MYO16: variants seen among roughly 807,000 people sequenced by gnomAD.
MYO16 encodes the protein unconventional myosin-XVI.
Under a neutral mutation model 205.3 loss-of-function variants are expected in MYO16, and 94 were observed. The ratio of observed to expected loss-of-function variants is 0.46; its 90% CI spans 0.39 to 0.54. The LOEUF (loss-of-function observed/expected upper bound fraction) is 0.54, where lower values mean the gene tolerates loss of function less well. Ranked by LOEUF, MYO16 falls within the 20% of genes least tolerant of loss-of-function variation. MYO16 has a pLI of 0.00. For synonymous variants in MYO16, 988 were observed against 954.0 expected (o/e 1.04, Z -0.66); for missense variants, 2,315 against 2,387.5 (o/e 0.97, Z 0.63).
At chr13:108,672,018 A>C (rs1439640661) in intron 2 of MYO16, among the ~76,000 whole-genome samples, 4 of 152,196 alleles carry the variant, frequency 2.6e-5, no homozygotes, top group Non-Finnish European at 5.9e-5. Context: ...CCAAGTATAA[A>C]ATAATGGATA....
At chr13:109,001,588 A>G (rs1207512858) in intron 21 of MYO16, among the ~76,000 whole-genome samples, 4 of 152,172 alleles carry the variant, frequency 2.6e-5, no homozygotes, top group Admixed American at 6.5e-5. Context: ...ACTGAAGTAA[A>G]CAAGAGAGAT....
At chr13:109,070,584 G>T (rs544007195) in intron 27 of MYO16, among the ~76,000 whole-genome samples, 1 of 152,124 alleles carries the variant, frequency 6.6e-6, no homozygotes, top group African/African-American at 2.4e-5. Context: ...TCTTTAGAGT[G>T]AGATAATGAT....
At chr13:109,040,515 G>A (rs1487409880) in intron 23 of MYO16, among the ~76,000 whole-genome samples, 2 of 151,820 alleles carry the variant, frequency 1.3e-5, no homozygotes, top group Non-Finnish European at 2.9e-5. Flanking sequence ...GAACGGTTTT[G>A]GTTTTTGTTT....
chr13:109,003,450 G>A (rs1885283274), intron 21 of MYO16, among the ~76,000 whole-genome samples: 1 of 152,184 alleles, frequency 6.6e-6, no homozygotes, highest in Non-Finnish European at 1.5e-5. Context: ...CAGCAGAGAC[G>A]CTGTAGGTTT....
At chr13:108,829,674 A>G (rs1398944099) in intron 9 of MYO16, among the ~76,000 whole-genome samples, 1 of 152,186 alleles carries the variant, frequency 6.6e-6, no homozygotes, top group Non-Finnish European at 1.5e-5. Flanking sequence ...TGAGGGCCAC[A>G]GGAAAAGGGA....
In MYO16 at chr13:109,125,279, C is replaced by T. The variant is rs1201754228; in HGVS notation, c.3703C>T (p.Arg1235Trp). Residue 1235 changes from arginine to tryptophan, a missense_variant, in exon 30 of 35, where the codon CGG becomes TGG. By Grantham distance (101) the Arg-to-Trp change is moderately radical. This residue lies in a region of MYO16 where 1,097 missense variants were observed against 1,092.0 expected (regional missense o/e 1.00). Coordinates refer to ENST00000457511, the MANE Select transcript of MYO16 (RefSeq NM_001198950.3). The surrounding 1 kb of genome is among the most constrained non-coding windows in gnomAD (Gnocchi z 4.0). ...TTCAGACATTGCCCGGGAAAATGAC[C>T]GGCTCCGTAGTGAAATGAACGCTCC... ...NASDIAREND[R>W]LRSEMNAPYH... 1.2e-5 allele frequency: 20 copies of T among 1,613,912 alleles called. No homozygotes were observed. The highest frequency in any genetic ancestry group is 1.6e-4 in the Middle Eastern group (1 of 6,084).
At chr13:109,131,334 G>A (rs1248159054) in intron 31 of MYO16, among the ~76,000 whole-genome samples, 1 of 152,306 alleles carries the variant, frequency 6.6e-6, no homozygotes, top group East Asian at 1.9e-4. Flanking sequence ...AGTTGTCTTT[G>A]TATTTATTCT....
At chr13:108,923,915 A>G (rs1381838689) in intron 16 of MYO16, among the ~76,000 whole-genome samples, 1 of 152,168 alleles carries the variant, frequency 6.6e-6, no homozygotes, top group Non-Finnish European at 1.5e-5. Flanking sequence ...TTTGGAACTG[A>G]CATATTGGCA....
chr13:108,496,481 C>T, the MYO16 span, among the ~76,000 whole-genome samples: 1 of 152,186 alleles, frequency 6.6e-6, no homozygotes, highest in African/African-American at 2.4e-5. Flanking sequence ...CTGCGCGACC[C>T]CAGCTGGGCA....
At chr13:109,160,729 A>T (rs1878341186) in intron 32 of MYO16, among the ~76,000 whole-genome samples, 1 of 152,220 alleles carries the variant, frequency 6.6e-6, no homozygotes, top group Non-Finnish European at 1.5e-5. Flanking sequence ...TCATTCTCAG[A>T]ACCCTGCTGG....
intron 23 of MYO16, among the ~76,000 whole-genome samples, chr13:109,023,629 A>T (rs1886210602): frequency 8.7e-6 from 1 of 115,310 alleles, no homozygotes; most frequent in African/African-American, 3.3e-5. Context: ...AAATATATAG[A>T]CAAATATATA....
At chr13:108,555,768 C>T in the MYO16 span, among the ~76,000 whole-genome samples, 1 of 152,192 alleles carries the variant, frequency 6.6e-6, no homozygotes, top group East Asian at 1.9e-4. Context: ...CTTACCACAC[C>T]TTCCACTGGT....
rs1566351969 is a variant in MYO16 at position 108,823,231 on chromosome 13, GC to G, written c.1053del (p.Tyr352MetfsTer56). The G allele has an allele frequency of 6.2e-7, 1 of 1,612,836 alleles. No individual in the cohort carries two copies. Among genetic ancestry groups the G allele is most frequent in the African/African-American group, 1.3e-5 (1 of 74,978 alleles). ...CTGCTTCTACCTTAGCTCAAGAAGA[GC>G]CCTATGAAGAGATCATTCACGATCT... ...LSASTLAQEE[P>X]YEEIIHDLPV... On this transcript the variant is annotated frameshift_variant, in exon 9 of 35. Coordinates refer to ENST00000457511, the MANE Select transcript of MYO16 (RefSeq NM_001198950.3). LOFTEE classifies it high-confidence loss of function.
At chr13:109,098,702 C>G (rs1888857698) in intron 27 of MYO16, among the ~76,000 whole-genome samples, 1 of 152,152 alleles carries the variant, frequency 6.6e-6, no homozygotes, top group Non-Finnish European at 1.5e-5. Flanking sequence ...AGCAGATCAT[C>G]AAACAGTGAC....
chr13:108,666,478 T>A (rs528364567), intron 2 of MYO16, among the ~76,000 whole-genome samples: 1 of 151,438 alleles, frequency 6.6e-6, no homozygotes, highest in African/African-American at 2.4e-5. Flanking sequence ...TATCAATGAA[T>A]TTTTTTTTCT....
At chr13:108,930,653 C>T (rs1882217067) in intron 16 of MYO16, among the ~76,000 whole-genome samples, 2 of 152,018 alleles carry the variant, frequency 1.3e-5, no homozygotes, top group South Asian at 4.2e-4. Context: ...AGATACCACC[C>T]TTAATTGTGA....
chr13:108,569,733 A>G, the MYO16 span, among the ~76,000 whole-genome samples: 74 of 152,154 alleles, frequency 4.9e-4, 1 homozygote, highest in Non-Finnish European at 1.5e-4. Context: ...GATTTTAACG[A>G]TAATATTTTT....
chr13:108,714,115 G>GGC (rs1566566221), intron 3 of MYO16, among the ~76,000 whole-genome samples: 1 of 152,136 alleles, frequency 6.6e-6, no homozygotes, highest in East Asian at 1.9e-4. Flanking sequence ...GGAGTGCAGT[G>GGC]GTGCAATCTC....
chr13:109,202,851 G>T (rs1279600776), intron 34 of MYO16, among the ~76,000 whole-genome samples: 1 of 152,138 alleles, frequency 6.6e-6, no homozygotes, highest in Non-Finnish European at 1.5e-5. Context: ...AAAACAGGCA[G>T]ATAGACTAAT....
Sources: allele counts gnomAD v4.1 joint callset (sites outside exome capture counted in the v4.1 genomes callset), GRCh38; gene constraint gnomAD v4.1.1; regional missense constraint gnomAD v4.1.1; non-coding constraint Gnocchi (gnomAD v3.1); transcripts MANE v1.5; gene names NCBI Gene and HGNC (gene_info 2026-07-23, HGNC 2026-07-21).